SOX13: variants seen among roughly 807,000 people sequenced by gnomAD.
SOX13 encodes SRY-box transcription factor 13.
In SOX13, 28 loss-of-function variants were observed where a neutral mutation model predicts 71.8. The observed-to-expected ratio is 0.39, with a 90% CI of 0.29 to 0.53. SOX13 has a LOEUF of 0.53. Ranked by LOEUF, SOX13 falls within the 20% of genes least tolerant of loss-of-function variation. The pLI is 0.70. For missense variants in SOX13, 627 were observed against 810.3 expected, an observed-to-expected ratio of 0.77 and a Z score of 2.75; for synonymous variants, 309 against 317.8, an observed-to-expected ratio of 0.97 and a Z score of 0.29.
At chr1:204,110,263 G>T (rs972069049) in intron 1 of SOX13, among the ~76,000 whole-genome samples, 4 of 151,336 alleles carry the variant, frequency 2.6e-5, no homozygotes, top group Non-Finnish European at 5.9e-5. Context: ...GAGTAGCGAG[G>T]ACTATAGGCG....
At chr1:204,113,244 G>A in intron 2 of SOX13, 110 bp downstream of exon 2, 1 of 913,324 alleles carries the variant, frequency 1.1e-6, no homozygotes, top group Non-Finnish European at 1.6e-6. Flanking sequence ...AGGCAGAAGT[G>A]GTGATCCTAG....
chr1:204,109,833 T>C (rs574468649), intron 1 of SOX13, among the ~76,000 whole-genome samples: 4 of 152,144 alleles, frequency 2.6e-5, no homozygotes, highest in African/African-American at 9.6e-5. Flanking sequence ...TTATTATCAT[T>C]ATTATTATTT....
At chr1:204,107,108 G>C (rs912144277) in intron 1 of SOX13, among the ~76,000 whole-genome samples, 5 of 152,182 alleles carry the variant, frequency 3.3e-5, no homozygotes, top group African/African-American at 1.2e-4. Context: ...GACTCTCAGA[G>C]CATCCTGGAC....
intron 7 of SOX13, among the ~76,000 whole-genome samples, chr1:204,121,041 G>A (rs1656792439): frequency 6.7e-6 from 1 of 149,070 alleles, no homozygotes; most frequent in South Asian, 2.1e-4. Context: ...GTGCAGTGGT[G>A]CAATCTCGAC....
In SOX13 at chr1:204,117,892, G is replaced by C. The variant is rs1253990927; in HGVS notation, c.775+185G>C. The C allele has an allele frequency of 6.7e-6, 4 of 593,968 alleles. No homozygotes were observed. In the African/African-American group the frequency reaches 7.5e-5, roughly 11 times the overall value. The allele number at this position is 593,968 out of a possible 1,614,324, so 36.8% of individuals were successfully genotyped here. ...TGCTGAATTTCTCTGAACTTCACTGGGAGAATGAAAAACCATAAAGCCCTT... is the reference window on the plus strand; with the variant it reads ...TGCTGAATTTCTCTGAACTTCACTGCGAGAATGAAAAACCATAAAGCCCTT... On this transcript the variant is annotated intron_variant, in intron 7 of 13. Coordinates refer to ENST00000367204, the MANE Select transcript of SOX13 (RefSeq NM_005686.3).
intron 4 of SOX13, chr1:204,116,287 C>T (rs1024074356): frequency 1.2e-5 from 18 of 1,511,370 alleles, no homozygotes; most frequent in Non-Finnish European, 1.4e-5. Flanking sequence ...GAATTCATGG[C>T]TAATAGGGGA....
At chr1:204,114,223 G>T in intron 2 of SOX13, 98 bp from the exon 3 acceptor site, 1 of 723,308 alleles carries the variant, frequency 1.4e-6, no homozygotes, top group Non-Finnish European at 2.3e-6. Context: ...GGATAGGGCT[G>T]GGATCCCTCA....
chr1:204,099,639 C>G (rs1571577318), intron 1 of SOX13, among the ~76,000 whole-genome samples: 1 of 151,870 alleles, frequency 6.6e-6, no homozygotes, highest in African/African-American at 2.4e-5. Context: ...TCTTGAACTC[C>G]TGGGCTCAAG....
In SOX13 at chr1:204,073,967, G is replaced by A. The variant is rs2102213894; in HGVS notation, c.-2+256G>A. On this transcript the variant is annotated intron_variant, in intron 1 of 13. Coordinates refer to ENST00000367204, the MANE Select transcript of SOX13 (RefSeq NM_005686.3). The surrounding 1 kb of genome is among the most constrained non-coding windows in gnomAD (Gnocchi z 6.8). Reference sequence around the variant, plus strand: ...AGCCTCTAAGGCAGTGCGTGGCTGTGTGTGTGTTTGTGTGTGTGTGTGTGT... The same window carrying A: ...AGCCTCTAAGGCAGTGCGTGGCTGTATGTGTGTTTGTGTGTGTGTGTGTGT... 1 of 34,092 alleles carries A rather than the reference G, an allele frequency of 2.9e-5. No individual in the cohort carries two copies. The highest frequency in any genetic ancestry group is 7.0e-4 in the South Asian group (1 of 1,428). 2.1% of individuals were successfully genotyped at this position (34,092 alleles called of 1,614,324 possible). A position where few individuals can be genotyped will look rare whatever the true frequency, so the allele number is the denominator to read the frequency against.
intron 1 of SOX13, 103 bp from the exon 2 acceptor site, chr1:204,112,812 G>C (rs958766069): frequency 2.9e-5 from 24 of 839,418 alleles, no homozygotes; most frequent in Non-Finnish European, 4.4e-5. Context: ...CAGGCACCAG[G>C]AGGCACTTGG....
At chr1:204,076,518 A>G (rs555215946) in intron 1 of SOX13, among the ~76,000 whole-genome samples, 2 of 152,334 alleles carry the variant, frequency 1.3e-5, no homozygotes, top group African/African-American at 4.8e-5. Flanking sequence ...TTCCACTTGC[A>G]GTTGGAGGAT....
chr1:204,127,059 C>G lies in SOX13; in HGVS notation c.*925C>G, dbSNP rs1389217255. 1 of 152,888 alleles carries G rather than the reference C, an allele frequency of 6.5e-6. No individual in the cohort carries two copies. Among genetic ancestry groups the G allele is most frequent in the Admixed American group, 6.6e-5 (1 of 15,242 alleles). The allele number at this position is 152,888 out of a possible 1,614,324, so 9.5% of individuals were successfully genotyped here. A position where few individuals can be genotyped will look rare whatever the true frequency, so the allele number is the denominator to read the frequency against. Reference sequence around the variant, plus strand: ...CCTCCCCTTCACTCCCTCCCTGGCTCTGCCAGTCGGTTCCCACGGAGCCAT... The same window carrying G: ...CCTCCCCTTCACTCCCTCCCTGGCTGTGCCAGTCGGTTCCCACGGAGCCAT... On this transcript the variant is annotated 3_prime_UTR_variant, in exon 14 of 14. Coordinates refer to ENST00000367204, the MANE Select transcript of SOX13 (RefSeq NM_005686.3).
At chr1:204,083,001 G>A (rs989406374) in intron 1 of SOX13, among the ~76,000 whole-genome samples, 7 of 152,200 alleles carry the variant, frequency 4.6e-5, no homozygotes, top group African/African-American at 1.4e-4. Flanking sequence ...TTTTCATAAT[G>A]TAAATTCCCC....
intron 1 of SOX13, among the ~76,000 whole-genome samples, chr1:204,104,565 A>G (rs1656421489): frequency 6.6e-6 from 1 of 152,178 alleles, no homozygotes; most frequent in Non-Finnish European, 1.5e-5. Context: ...CTTTCAGAGG[A>G]AGTGGCATTC....
chr1:204,117,775 AG>A lies in SOX13; in HGVS notation c.775+69del, dbSNP rs1424709131. 5.1e-6 allele frequency: 5 copies of A among 981,974 alleles called. No individual in the cohort carries two copies. In the East Asian group the frequency reaches 7.8e-5, roughly 15 times the overall value. The allele number at this position is 981,974 out of a possible 1,614,324, so 60.8% of individuals were successfully genotyped here. A position where few individuals can be genotyped will look rare whatever the true frequency, so the allele number is the denominator to read the frequency against. Reference sequence around the variant, plus strand: ...CCTGAGGTCAGGGAAAGCGCCCTGGAGCCACTCTCATCCATTAATTTGCTAT... The same window carrying A: ...CCTGAGGTCAGGGAAAGCGCCCTGGACCACTCTCATCCATTAATTTGCTAT... On this transcript the variant is annotated intron_variant, in intron 7 of 13. Coordinates refer to ENST00000367204, the MANE Select transcript of SOX13 (RefSeq NM_005686.3).
At chr1:204,125,449 CAGG>C in intron 13 of SOX13, among the ~76,000 whole-genome samples, 1 of 152,158 alleles carries the variant, frequency 6.6e-6, no homozygotes, top group Middle Eastern at 3.4e-3. Context: ...CCCAGCTACT[CAGG>C]AGGCTGAGGC....
chr1:204,092,174 G>A (rs1403400953), intron 1 of SOX13, among the ~76,000 whole-genome samples: 1 of 148,018 alleles, frequency 6.8e-6, no homozygotes, highest in East Asian at 2.0e-4. Flanking sequence ...ACTTAGGCAT[G>A]TGCTACTACA....
rs1345691677 is a variant in SOX13, at chr1:204,082,266, G to C, written c.-2+8555G>C. Among the ~76,000 whole-genome samples the C allele has an allele frequency of 2.0e-5, 3 of 152,110 alleles. No homozygotes were observed. The East Asian group carries it at 5.8e-4, about 29-fold the overall frequency. ...GGTGTGTGTGTGTGTGTGCACATAT[G>C]TGTGCAGGCAGGCAGGGGCCTGTGC... On this transcript the variant is annotated intron_variant, in intron 1 of 13. Coordinates refer to ENST00000367204, the MANE Select transcript of SOX13 (RefSeq NM_005686.3).
intron 1 of SOX13, among the ~76,000 whole-genome samples, chr1:204,082,455 C>G (rs11579810): frequency 0.89 from 135,345 of 152,178 alleles, 60,441 homozygotes; most frequent in African/African-American, 0.96. Context: ...GCCCCAAGCA[C>G]GTTGGGGTTT....
Sources: allele counts gnomAD v4.1 joint callset (sites outside exome capture counted in the v4.1 genomes callset), GRCh38; gene constraint gnomAD v4.1.1; non-coding constraint Gnocchi (gnomAD v3.1); transcripts MANE v1.5; gene names NCBI Gene and HGNC (gene_info 2026-07-23, HGNC 2026-07-21).